Variants in ZNF562 observed in about 807,000 individuals in gnomAD.
The protein encoded by ZNF562 is zinc finger protein 562.
In ZNF562, 13 loss-of-function variants were observed where a neutral mutation model predicts 17.5. The observed-to-expected ratio is 0.74, with a 90% confidence interval of 0.48 to 1.18. The LOEUF is 1.18. Among genes scored for constraint, ZNF562 ranks in the 50% most tolerant of loss-of-function variants. The pLI, the probability that ZNF562 is intolerant of heterozygous loss-of-function variation, is 0.00. For synonymous variants in ZNF562, 163 were observed against 165.4 expected, an observed-to-expected ratio of 0.99 and a Z score of 0.11; for missense variants, 481 against 498.5, an observed-to-expected ratio of 0.96 and a Z score of 0.33.
chr19:9,663,559 G>A (rs143816431), intron 1 of ZNF562, among the ~76,000 whole-genome samples: 14 of 152,106 alleles, frequency 9.2e-5, no homozygotes, highest in Non-Finnish European at 1.8e-4. Context: ...CTGGTTGACT[G>A]TGTAGATGGG....
rs1478020483 is a variant in ZNF562, at chr19:9,645,689, T to C, written c.*7260A>G. ...TGGGCCTCTGTCAAGGAGCCTATTC[T>C]TTCTGCCACCAGATCTGTCTAATAG... On this transcript the variant is annotated 3_prime_UTR_variant, in exon 6 of 6. Coordinates refer to ENST00000453372, the MANE Select transcript of ZNF562 (RefSeq NM_001130031.2). 2 of 152,236 alleles carry C rather than the reference T, an allele frequency of 1.3e-5. No individual in the cohort carries two copies. The highest frequency in any genetic ancestry group is 4.8e-5 in the African/African-American group (2 of 41,466). The allele number at this position is 152,236 out of a possible 1,614,324, so 9.4% of individuals were successfully genotyped here. A position where few individuals can be genotyped will look rare whatever the true frequency, so the allele number is the denominator to read the frequency against.
chr19:9,666,294 G>A (rs1455800489), intron 1 of ZNF562, among the ~76,000 whole-genome samples: 1 of 146,096 alleles, frequency 6.8e-6, no homozygotes, highest in Admixed American at 7.0e-5. Flanking sequence ...TTGCACTCCA[G>A]CCTGGGCAAC....
intron 2 of ZNF562, among the ~76,000 whole-genome samples, chr19:9,660,481 C>A (rs1426582913): frequency 6.6e-6 from 1 of 151,828 alleles, no homozygotes; most frequent in Non-Finnish European, 1.5e-5. Context: ...CAAAATTAGC[C>A]TGTGGTCCCA....
chr19:9,656,412 G>A, intron 5 of ZNF562, 135 bp downstream of exon 5: 2 of 866,564 alleles, frequency 2.3e-6, no homozygotes, highest in Non-Finnish European at 3.7e-6. Flanking sequence ...GGGAGGCTGA[G>A]GCAAGAGAAT....
In ZNF562 at chr19:9,659,381, G is replaced by T; in HGVS notation, c.112C>A (p.Gln38Lys). Residue 38 changes from glutamine to lysine, a missense_variant and splice_region_variant, in exon 3 of 6, where the codon CAG becomes AAG. Gln to Lys is a moderately conservative substitution (Grantham distance 53, BLOSUM62 1). Coordinates refer to ENST00000453372, the MANE Select transcript of ZNF562 (RefSeq NM_001130031.2). ...MVEDHRSNSY[Q>K]DSVTFDDVAV... ...ACAACGGTACATTTTCTGTTTACCT[G>T]GTAAGAATTTGACCGGTGGTCCTCT... is the stretch of plus-strand genomic sequence containing the variant. 11 of 1,550,464 alleles carry T rather than the reference G, an allele frequency of 7.1e-6. No homozygotes were observed. Among genetic ancestry groups the T allele is most frequent in the Non-Finnish European group, 9.6e-6 (11 of 1,146,058 alleles).
In ZNF562 at chr19:9,644,375, TAGCTC is replaced by T. The variant is rs1197521678; in HGVS notation, c.*8569_*8573del. 2.6e-5 allele frequency: 4 copies of T among 152,128 alleles called. No homozygotes were observed. Among genetic ancestry groups the T allele is most frequent in the Non-Finnish European group, 4.4e-5 (3 of 68,010 alleles). 9.4% of individuals were successfully genotyped at this position (152,128 alleles called of 1,614,324 possible). ...GGAGGCCCAGAAGAGAGGATTACTC[TAGCTC>T]AGGAGTTTGAGGACAGCCTGGGCAA... On this transcript the variant is annotated 3_prime_UTR_variant, in exon 6 of 6. Transcript: ENST00000453372.
chr19:9,658,441 C>G (rs2043605131), intron 3 of ZNF562: 1 of 654,964 alleles, frequency 1.5e-6, no homozygotes, highest in Non-Finnish European at 1.9e-6. Context: ...CCTCCACCTC[C>G]TAAGTTCAAG....
Position 9,651,535 on chromosome 19 carries a change from G to C in ZNF562, c.*1414C>G, listed in dbSNP as rs975960766. On this transcript the variant is annotated 3_prime_UTR_variant, in exon 6 of 6. Coordinates refer to ENST00000453372, the MANE Select transcript of ZNF562 (RefSeq NM_001130031.2). ...TGCAGCACTGTGACATGCTCGTGAT[G>C]GCTATGACGCCCATGCTGGAGGCTG... The C allele has an allele frequency of 2.6e-5, 4 of 152,206 alleles. No individual in the cohort carries two copies. Among genetic ancestry groups the C allele is most frequent in the African/African-American group, 9.7e-5 (4 of 41,442 alleles). The allele number at this position is 152,206 out of a possible 1,614,324, so 9.4% of individuals were successfully genotyped here. A position where few individuals can be genotyped will look rare whatever the true frequency, so the allele number is the denominator to read the frequency against.
chr19:9,657,741 G>T (rs2043565474), intron 4 of ZNF562, among the ~76,000 whole-genome samples: 2 of 151,690 alleles, frequency 1.3e-5, no homozygotes, highest in Admixed American at 1.3e-4. Flanking sequence ...TAGAGACAGG[G>T]TTTCACCATG....
At position 9,653,756 on chromosome 19, in the gene ZNF562, A is replaced by G. The variant is rs2043355783; in HGVS notation, c.474T>C (p.Tyr158=). ...NGGNTFEGNC[Y]GKDSISVHKE... ...TGTGCACACTGATGCTGTCTTTTCC[A>G]TAACAATTACCCTCAAAAGTGTTCC... is the stretch of plus-strand genomic sequence containing the variant. The change falls in exon 6 of 6, where the codon TAT becomes TAC. Residue 158 remains tyrosine, a synonymous_variant. Coordinates refer to ENST00000453372, the MANE Select transcript of ZNF562 (RefSeq NM_001130031.2). 5 of 1,614,102 alleles carry G rather than the reference A, an allele frequency of 3.1e-6. No individual in the cohort carries two copies. The highest frequency in any genetic ancestry group is 4.2e-6 in the Non-Finnish European group (5 of 1,179,972).
chr19:9,655,963 C>T (rs184844867), intron 5 of ZNF562, among the ~76,000 whole-genome samples: 99 of 152,094 alleles, frequency 6.5e-4, no homozygotes, highest in African/African-American at 2.3e-3. Flanking sequence ...AAACTCCTGA[C>T]CTCAAGTGAT....
intron 1 of ZNF562, among the ~76,000 whole-genome samples, chr19:9,667,597 C>A (rs1478888901): frequency 6.6e-6 from 1 of 152,142 alleles, no homozygotes; most frequent in Non-Finnish European, 1.5e-5. Context: ...AATGACATGA[C>A]CTTTTTCTCC....
At chr19:9,668,249 C>T (rs1042928886) in intron 1 of ZNF562, among the ~76,000 whole-genome samples, 1 of 151,952 alleles carries the variant, frequency 6.6e-6, no homozygotes, top group African/African-American at 2.4e-5. Context: ...ATGGCACACA[C>T]CTGTAGTCCC....
In ZNF562 at chr19:9,652,105, T is replaced by G. The variant is rs981564397; in HGVS notation, c.*844A>C. 21 of 152,058 alleles carry G rather than the reference T, an allele frequency of 1.4e-4. No homozygotes were observed. Among genetic ancestry groups the G allele is most frequent in the Non-Finnish European group, 2.6e-4 (18 of 67,998 alleles). 9.4% of individuals were successfully genotyped at this position (152,058 alleles called of 1,614,324 possible). On this transcript the variant is annotated 3_prime_UTR_variant, in exon 6 of 6. Transcript: ENST00000453372. ...AATCATTTGATAAAGAGATCATGAGTGGGATTCATGGACTATATCAGCCAT... is the reference window on the plus strand; with the variant it reads ...AATCATTTGATAAAGAGATCATGAGGGGGATTCATGGACTATATCAGCCAT...
chr19:9,652,762 A>G lies in ZNF562; in HGVS notation c.*187T>C, dbSNP rs1322169386. On this transcript the variant is annotated 3_prime_UTR_variant, in exon 6 of 6. Coordinates refer to ENST00000453372, the MANE Select transcript of ZNF562 (RefSeq NM_001130031.2). ...ATTAAAGATGGCAACCAATGGGCTA[A>G]ATGGTAACAACACTCATATCCTTAC... The G allele has an allele frequency of 2.4e-5, 12 of 504,194 alleles. No individual in the cohort carries two copies. The highest frequency in any genetic ancestry group is 2.0e-4 in the African/African-American group (10 of 50,902). 31.2% of individuals were successfully genotyped at this position (504,194 alleles called of 1,614,324 possible).
Position 9,656,528 on chromosome 19 carries a change from T to G in ZNF562, c.348+19A>C, listed in dbSNP as rs2043490526. 6.2e-7 allele frequency: 1 copy of G among 1,610,418 alleles called. No individual in the cohort carries two copies. Among genetic ancestry groups the G allele is most frequent in the Non-Finnish European group, 8.5e-7 (1 of 1,178,340 alleles). On this transcript the variant is annotated intron_variant, in intron 5 of 5. Transcript: ENST00000453372. ...TCAAAAAACAGAAGAAAAAAATAAGTATCCCTCATGAATCTTACCATTTGT... is the reference window on the plus strand; with the variant it reads ...TCAAAAAACAGAAGAAAAAAATAAGGATCCCTCATGAATCTTACCATTTGT...
At chr19:9,663,286 C>T (rs1044460385) in intron 1 of ZNF562, among the ~76,000 whole-genome samples, 5 of 150,712 alleles carry the variant, frequency 3.3e-5, no homozygotes, top group Admixed American at 3.3e-4. Flanking sequence ...TGGCAGGCGC[C>T]TGTAGTCCCA....
At chr19:9,672,663 A>G (rs887292222) in intron 1 of ZNF562, among the ~76,000 whole-genome samples, 4 of 152,136 alleles carry the variant, frequency 2.6e-5, no homozygotes, top group Non-Finnish European at 5.9e-5. Flanking sequence ...TGTCAGTGTA[A>G]TAAAGCCTCC....
rs2074818055 is a variant in ZNF562, at chr19:9,647,696, C to T, written c.*5253G>A. ...GATGAAACCGTCTCTACTAAAAATA[C>T]AAAAATCAGCCAGGCAAGGTGGAGG... On this transcript the variant is annotated 3_prime_UTR_variant, in exon 6 of 6. Coordinates refer to ENST00000453372, the MANE Select transcript of ZNF562 (RefSeq NM_001130031.2). 1 of 151,900 alleles carries T rather than the reference C, an allele frequency of 6.6e-6. No homozygotes were observed. The highest frequency in any genetic ancestry group is 2.4e-5 in the African/African-American group (1 of 41,356). 9.4% of individuals were successfully genotyped at this position (151,900 alleles called of 1,614,324 possible).
Sources: gnomAD v4.1 joint callset for allele counts (sites outside exome capture counted in the v4.1 genomes callset) on GRCh38, gnomAD v4.1.1 for gene constraint, MANE v1.5 for transcripts, NCBI Gene and HGNC (gene_info 2026-07-23, HGNC 2026-07-21) for gene names.